The following UBE3C variants were observed in gnomAD, a reference collection of about 807,000 sequenced individuals.
UBE3C encodes ubiquitin protein ligase E3C, also known as ubiquitin-protein ligase E3C.
A neutral mutation model predicts 129.4 loss-of-function variants in UBE3C; 42 were observed. That is an observed-to-expected ratio of 0.32 (90% CI 0.25 to 0.42). The LOEUF is 0.42. UBE3C is among the 10% of genes least tolerant of loss of function. The pLI, the probability that UBE3C is intolerant of heterozygous loss-of-function variation, is 1.00. For synonymous variants in UBE3C, 510 were observed against 492.4 expected, an observed-to-expected ratio of 1.04 and a Z score of -0.47; for missense variants, 1,049 against 1,319.1, an observed-to-expected ratio of 0.80 and a Z score of 3.17.
intron 1 of UBE3C, among the ~76,000 whole-genome samples, chr7:157,144,347 A>T (rs1246769483): frequency 6.6e-6 from 1 of 152,146 alleles, no homozygotes; most frequent in Non-Finnish European, 1.5e-5. Flanking sequence ...TTTGAAAAGC[A>T]CCGGAAGATT....
chr7:157,244,245 AAG>A (rs549836494), intron 18 of UBE3C, among the ~76,000 whole-genome samples: 6 of 152,308 alleles, frequency 3.9e-5, no homozygotes, highest in Admixed American at 2.6e-4. Flanking sequence ...AAAAAAAAGA[AAG>A]AAAGATGAGG....
chr7:157,233,315 A>G (rs979729619), intron 18 of UBE3C, among the ~76,000 whole-genome samples: 36 of 152,136 alleles, frequency 2.4e-4, no homozygotes, highest in Admixed American at 3.9e-4. Context: ...ATTTTGAAAC[A>G]GGTCTTTCTC....
intron 21 of UBE3C, among the ~76,000 whole-genome samples, chr7:157,255,767 G>C (rs575546672): frequency 1.3e-5 from 2 of 152,204 alleles, no homozygotes; most frequent in South Asian, 2.1e-4. Flanking sequence ...AATTATTTTA[G>C]GTTTAGGGAG....
chr7:157,192,674 G>A (rs1809003308), intron 10 of UBE3C: 2 of 771,282 alleles, frequency 2.6e-6, no homozygotes, highest in Non-Finnish European at 4.7e-6. Flanking sequence ...CTGTCCTGAA[G>A]TATTAGAAGG....
intron 5 of UBE3C, among the ~76,000 whole-genome samples, chr7:157,175,873 C>T (rs1808502462): frequency 6.6e-6 from 1 of 152,052 alleles, no homozygotes; most frequent in African/African-American, 2.4e-5. Flanking sequence ...AGTTTGCAAA[C>T]TTTTTATGTA....
At chr7:157,158,190 C>T (rs765867457) in intron 1 of UBE3C, among the ~76,000 whole-genome samples, 1 of 151,492 alleles carries the variant, frequency 6.6e-6, no homozygotes, top group Non-Finnish European at 1.5e-5. Context: ...CTGTGCCTGG[C>T]CCTAGAGTCA....
At position 157,218,863 on chromosome 7, in the gene UBE3C, G is replaced by T. The variant is rs545073711; in HGVS notation, c.1915-1826G>T. Reference sequence around the variant, plus strand: ...CATGAAAACAGCTAACTCTGAGTTCGCAAGGGTGCTAACAAAACCCTTCGT... The same window carrying T: ...CATGAAAACAGCTAACTCTGAGTTCTCAAGGGTGCTAACAAAACCCTTCGT... On this transcript the variant is annotated intron_variant, in intron 14 of 22. Coordinates refer to ENST00000348165, the MANE Select transcript of UBE3C (RefSeq NM_014671.3). Among the ~76,000 whole-genome samples, 11 of 152,252 alleles carry T rather than the reference G, an allele frequency of 7.2e-5. No individual in the cohort carries two copies. The East Asian group carries it at 2.1e-3, about 29-fold the overall frequency.
chr7:157,197,505 AT>A, intron 10 of UBE3C: 1 of 798,878 alleles, frequency 1.3e-6, no homozygotes, highest in Non-Finnish European at 1.8e-6. Flanking sequence ...AATAAAAATA[AT>A]TTGTTTTTTT....
At chr7:157,169,724 C>G (rs1808314537) in intron 3 of UBE3C, among the ~76,000 whole-genome samples, 1 of 152,082 alleles carries the variant, frequency 6.6e-6, no homozygotes, top group Non-Finnish European at 1.5e-5. Context: ...CTCTGTCACA[C>G]AGGCTGGAGT....
chr7:157,164,504 CAT>C (rs772279703), intron 2 of UBE3C: 11 of 456,496 alleles, frequency 2.4e-5, no homozygotes, highest in Admixed American at 7.1e-5. Context: ...ACTGTTAAGA[CAT>C]GTGTCTTAAC....
intron 13 of UBE3C, among the ~76,000 whole-genome samples, chr7:157,209,195 T>TCATC (rs1456954922): frequency 5.3e-5 from 8 of 152,336 alleles, no homozygotes; most frequent in African/African-American, 1.9e-4. Context: ...GAATGCTTAT[T>TCATC]CATCCTCCAA....
chr7:157,240,787 C>CA (rs1796296282), intron 18 of UBE3C, among the ~76,000 whole-genome samples: 1 of 152,038 alleles, frequency 6.6e-6, no homozygotes, highest in Non-Finnish European at 1.5e-5. Flanking sequence ...GAGCTAAGAT[C>CA]AGAGGGGCTT....
chr7:157,240,610 G>A (rs1002432191), intron 18 of UBE3C, among the ~76,000 whole-genome samples: 1 of 152,156 alleles, frequency 6.6e-6, no homozygotes, highest in Non-Finnish European at 1.5e-5. Context: ...TATAATAAAG[G>A]GTGAATTGGT....
At chr7:157,150,172 G>A (rs988571945) in intron 1 of UBE3C, among the ~76,000 whole-genome samples, 1 of 152,192 alleles carries the variant, frequency 6.6e-6, no homozygotes, top group Non-Finnish European at 1.5e-5. Context: ...GAGGTCAGGA[G>A]TTCCAGACCA....
intron 14 of UBE3C, among the ~76,000 whole-genome samples, chr7:157,217,947 C>T (rs950257717): frequency 6.6e-6 from 1 of 152,090 alleles, no homozygotes; most frequent in African/African-American, 2.4e-5. Flanking sequence ...CCCTTGTGCC[C>T]TGGAGGCGGA....
chr7:157,257,035 G>A lies in UBE3C; in HGVS notation c.3072G>A (p.Leu1024=). 1 of 1,614,152 alleles carries A rather than the reference G, an allele frequency of 6.2e-7. No individual in the cohort carries two copies. ...CAAGCTGCTCTCGACCCCCTCTCTT[G>A]GGGTTTAAGGTACACAACTTTCATG... ...FVTSCSRPPL[L]GFKELYPAFC... Residue 1024 remains leucine (L), a synonymous_variant, in exon 22 of 23, where the codon TTG becomes TTA. Coordinates refer to ENST00000348165, the MANE Select transcript of UBE3C (RefSeq NM_014671.3).
chr7:157,146,036 T>C (rs1173295110), intron 1 of UBE3C, among the ~76,000 whole-genome samples: 1 of 152,240 alleles, frequency 6.6e-6, no homozygotes, highest in East Asian at 1.9e-4. Context: ...AGTTTTATAA[T>C]TTTGTATTTT....
intron 13 of UBE3C, among the ~76,000 whole-genome samples, chr7:157,211,761 AT>A (rs1809602615): frequency 6.6e-6 from 1 of 152,194 alleles, no homozygotes; most frequent in Admixed American, 6.5e-5. Flanking sequence ...CACTCACAGT[AT>A]TCATCCCACC....
Position 157,267,830 on chromosome 7 carries a change from G to C in UBE3C, c.*75G>C. ...AGCAGCGCCTCCCCAGACCCACGAG[G>C]ATACTCACACTGCACGCCTGAGGCT... On this transcript the variant is annotated 3_prime_UTR_variant, in exon 23 of 23. Coordinates refer to ENST00000348165, the MANE Select transcript of UBE3C (RefSeq NM_014671.3). 1.5e-6 allele frequency: 2 copies of C among 1,353,548 alleles called. No individual in the cohort carries two copies. The highest frequency in any genetic ancestry group is 2.0e-6 in the Non-Finnish European group (2 of 1,007,404). 83.8% of individuals were successfully genotyped at this position (1,353,548 alleles called of 1,614,324 possible).
Sources: gnomAD v4.1 joint callset for allele counts (sites outside exome capture counted in the v4.1 genomes callset) on GRCh38, gnomAD v4.1.1 for gene constraint, MANE v1.5 for transcripts, NCBI Gene and HGNC (gene_info 2026-07-23, HGNC 2026-07-21) for gene names.